Variants in SLC25A25 observed in about 807,000 individuals in gnomAD.
SLC25A25 encodes solute carrier family 25 member 25.
Under a neutral mutation model 57.7 loss-of-function variants are expected in SLC25A25, and 32 were observed. The ratio of observed to expected loss-of-function variants is 0.55; its 90% CI spans 0.42 to 0.74. The LOEUF (loss-of-function observed/expected upper bound fraction) is 0.74. Ranked by LOEUF, SLC25A25 falls within the 30% of genes least tolerant of loss-of-function variation. The pLI is 0.00. For missense variants in SLC25A25, 556 were observed against 701.3 expected (o/e 0.79, Z 2.34); for synonymous variants, 306 against 291.2 (o/e 1.05, Z -0.52).
chr9:128,093,973 C>A (rs962427618), intron 1 of SLC25A25, among the ~76,000 whole-genome samples: 3 of 152,104 alleles, frequency 2.0e-5, no homozygotes, highest in Admixed American at 6.5e-5. Context: ...TATGGTGAAA[C>A]CCCGTCTCTA....
chr9:128,083,954 A>G (rs925874717), intron 1 of SLC25A25, among the ~76,000 whole-genome samples: 6 of 152,114 alleles, frequency 3.9e-5, no homozygotes, highest in African/African-American at 7.2e-5. Flanking sequence ...GGCATCTCCA[A>G]TTGTCTTTGT....
At chr9:128,092,045 C>G (rs368885889) in intron 1 of SLC25A25, 32 of 1,613,818 alleles carry the variant, frequency 2.0e-5, no homozygotes, top group Non-Finnish European at 2.6e-5. Context: ...GGAAAAAAGA[C>G]CCACCATTTT....
intron 1 of SLC25A25, among the ~76,000 whole-genome samples, chr9:128,073,087 A>G (rs955223719): frequency 1.3e-5 from 2 of 152,202 alleles, no homozygotes; most frequent in South Asian, 2.1e-4. Context: ...TTTTCACTCC[A>G]TTTTACTAGG....
chr9:128,073,461 G>C (rs1239304543), intron 1 of SLC25A25, among the ~76,000 whole-genome samples: 2 of 152,080 alleles, frequency 1.3e-5, no homozygotes, highest in Non-Finnish European at 2.9e-5. Flanking sequence ...ATGTCAAGTT[G>C]GTATTGCTTA....
At chr9:128,098,584 G>C in intron 1 of SLC25A25, 1 of 1,614,134 alleles carries the variant, frequency 6.2e-7, no homozygotes, top group African/African-American at 1.3e-5. Context: ...GTCTGTGCCT[G>C]TATGTGCCGG....
chr9:128,082,710 A>G (rs1459010870), intron 1 of SLC25A25, among the ~76,000 whole-genome samples: 1 of 152,082 alleles, frequency 6.6e-6, no homozygotes, highest in Non-Finnish European at 1.5e-5. Flanking sequence ...CAGTGGCGCA[A>G]TCTTGGCTCA....
intron 1 of SLC25A25, among the ~76,000 whole-genome samples, chr9:128,100,595 C>T (rs1588781911): frequency 1.3e-5 from 2 of 152,164 alleles, no homozygotes; most frequent in South Asian, 2.1e-4. Context: ...TATTCTCGGA[C>T]CAATGCCAGT....
Position 128,103,530 on chromosome 9 carries a change from A to C in SLC25A25, c.625-151A>C, listed in dbSNP as rs1279712814. ...TCTGCTACCTTCAGAGTGAAGGGAA[A>C]GACCCCAGCCCGCTTCCCACCCAGA... is the stretch of plus-strand genomic sequence containing the variant. On this transcript the variant is annotated intron_variant, in intron 5 of 10. Transcript: ENST00000373069. The surrounding 1 kb of genome is among the most constrained non-coding windows in gnomAD (Gnocchi z 6.7). 2.3e-6 allele frequency: 2 copies of C among 870,080 alleles called. No individual in the cohort carries two copies. The highest frequency in any genetic ancestry group is 3.5e-6 in the Non-Finnish European group (2 of 565,760). The allele number at this position is 870,080 out of a possible 1,614,324, so 53.9% of individuals were successfully genotyped here.
intron 6 of SLC25A25, among the ~76,000 whole-genome samples, chr9:128,104,816 A>C (rs1439249893): frequency 7.0e-6 from 1 of 142,058 alleles, no homozygotes; most frequent in Admixed American, 7.3e-5. Flanking sequence ...ATAATGAAAA[A>C]CTTTGATTTT....
At chr9:128,075,064 G>A (rs898618193) in intron 1 of SLC25A25, among the ~76,000 whole-genome samples, 1 of 152,204 alleles carries the variant, frequency 6.6e-6, no homozygotes, top group African/African-American at 2.4e-5. Flanking sequence ...TTGAACCCGG[G>A]CAGCGGAGGC....
intron 1 of SLC25A25, among the ~76,000 whole-genome samples, chr9:128,083,572 C>T (rs1312747357): frequency 2.2e-5 from 3 of 134,950 alleles, no homozygotes; most frequent in Non-Finnish European, 4.6e-5. Flanking sequence ...TGCAGTGGCG[C>T]GATCTCCGCT....
In SLC25A25 at chr9:128,105,896, C is replaced by G. The variant is rs78274237; in HGVS notation, c.936+15C>G. The G allele has an allele frequency of 1.8e-3, 2,869 of 1,611,444 alleles. 63 individuals carry two copies. In the African/African-American group the frequency reaches 0.034, roughly 19 times the overall value. On this transcript the variant is annotated intron_variant, in intron 7 of 10. Coordinates refer to ENST00000373069, the MANE Select transcript of SLC25A25 (RefSeq NM_001330988.2). ...CCTATGAGCAGGTGAGGACCCAGCT[C>G]CTCAGGAGGGTCACCGGCCAGTGGC... is the stretch of plus-strand genomic sequence containing the variant.
chr9:128,098,781 T>C, intron 1 of SLC25A25: 5 of 1,591,836 alleles, frequency 3.1e-6, no homozygotes. Context: ...ATTTGTTGAG[T>C]GAATGGCTGA....
rs375766177 is a variant in SLC25A25 at position 128,105,893 on chromosome 9, G to A, written c.936+12G>A. Reference sequence around the variant, plus strand: ...TGGCCTATGAGCAGGTGAGGACCCAGCTCCTCAGGAGGGTCACCGGCCAGT... The same window carrying A: ...TGGCCTATGAGCAGGTGAGGACCCAACTCCTCAGGAGGGTCACCGGCCAGT... On this transcript the variant is annotated intron_variant, in intron 7 of 10. Coordinates refer to ENST00000373069, the MANE Select transcript of SLC25A25 (RefSeq NM_001330988.2). The A allele has an allele frequency of 2.5e-6, 4 of 1,612,814 alleles. No individual in the cohort carries two copies. The highest frequency in any genetic ancestry group is 2.5e-6 in the Non-Finnish European group (3 of 1,179,250).
At chr9:128,094,019 G>A (rs1043539725) in intron 1 of SLC25A25, among the ~76,000 whole-genome samples, 4 of 152,146 alleles carry the variant, frequency 2.6e-5, no homozygotes, top group South Asian at 2.1e-4. Context: ...GTGGTGGTGC[G>A]TGCCTGTACT....
chr9:128,092,237 A>C (rs1243738329), intron 1 of SLC25A25: 2 of 1,050,786 alleles, frequency 1.9e-6, no homozygotes, highest in Non-Finnish European at 2.7e-6. Context: ...GAAGCCCACA[A>C]ATGCAATCTA....
At chr9:128,100,847 C>T in intron 1 of SLC25A25, 1 of 501,250 alleles carries the variant, frequency 2.0e-6, no homozygotes, top group South Asian at 2.3e-5. Context: ...CTTGTTTCCT[C>T]TCTGCTTGAG....
rs1269758861 is a variant in SLC25A25 at position 128,101,077 on chromosome 9, T to C, written c.262-19T>C. The C allele has an allele frequency of 1.2e-5, 20 of 1,613,834 alleles. No homozygotes were observed. The Admixed American group carries it at 1.8e-4, about 15-fold the overall frequency. ...CTGGTCCAGGAGCCAAAAGACAAAA[T>C]GTTACCTTTCTTTTCTAGAAAATTG... is the stretch of plus-strand genomic sequence containing the variant. On this transcript the variant is annotated intron_variant, in intron 1 of 10. Transcript: ENST00000373069. The surrounding 1 kb of genome is among the most constrained non-coding windows in gnomAD (Gnocchi z 4.9).
intron 1 of SLC25A25, among the ~76,000 whole-genome samples, chr9:128,074,946 G>GC (rs1832978482): frequency 6.6e-6 from 1 of 152,070 alleles, no homozygotes; most frequent in Admixed American, 6.6e-5. Context: ...GACCAGCCTG[G>GC]CCAACATAGT....
Sources: allele counts gnomAD v4.1 joint callset (sites outside exome capture counted in the v4.1 genomes callset), GRCh38; gene constraint gnomAD v4.1.1; non-coding constraint Gnocchi (gnomAD v3.1); transcripts MANE v1.5; gene names NCBI Gene and HGNC (gene_info 2026-07-23, HGNC 2026-07-21).